The following OR51B5 variants were observed in gnomAD, a reference collection of about 807,000 sequenced individuals.
OR51B5 encodes olfactory receptor 51B5.
For synonymous variants in OR51B5, 186 were observed against 144.8 expected (o/e 1.28, Z -2.04); for missense variants, 456 against 374.6 (o/e 1.22, Z -1.79).
chr11:5,352,522 G>C, intron 1 of OR51B5: 2 of 886,100 alleles, frequency 2.3e-6, no homozygotes, highest in African/African-American at 1.7e-5. Flanking sequence ...TAAGTAACTA[G>C]GGAAAGTCAT....
chr11:5,400,470 T>A (rs1385550599), intron 1 of OR51B5, among the ~76,000 whole-genome samples: 1 of 152,112 alleles, frequency 6.6e-6, no homozygotes, highest in African/African-American at 2.4e-5. Context: ...TTTCCTGCAC[T>A]ACATTGCATG....
chr11:5,358,988 G>T (rs11517977), intron 1 of OR51B5, among the ~76,000 whole-genome samples: 1 of 150,702 alleles, frequency 6.6e-6, no homozygotes, highest in Non-Finnish European at 1.5e-5. Flanking sequence ...TTGATGGGAC[G>T]TATCTCAAAA....
chr11:5,376,411 G>T (rs1849528846), intron 1 of OR51B5, among the ~76,000 whole-genome samples: 2 of 152,130 alleles, frequency 1.3e-5, no homozygotes, highest in South Asian at 4.2e-4. Context: ...AACTAGATAA[G>T]CAAGAGCAAA....
intron 1 of OR51B5, among the ~76,000 whole-genome samples, chr11:5,498,670 A>G (rs537717095): frequency 1.3e-5 from 2 of 152,320 alleles, no homozygotes; most frequent in East Asian, 1.9e-4. Flanking sequence ...TACAGACATT[A>G]CTAATTGTAA....
intron 1 of OR51B5, chr11:5,454,551 G>A (rs1332439176): frequency 9.4e-6 from 7 of 747,264 alleles, no homozygotes; most frequent in Admixed American, 5.4e-5. Context: ...AGGAGATGGT[G>A]ATGCAAAACT....
chr11:5,347,980 A>T (rs1849019068), upstream of OR51B5, among the ~76,000 whole-genome samples: 1 of 152,158 alleles, frequency 6.6e-6, no homozygotes, highest in Non-Finnish European at 1.5e-5. Flanking sequence ...AATGGAAGGG[A>T]ACAAAGTTTC....
chr11:5,478,895 T>A (rs1486275593), intron 1 of OR51B5, among the ~76,000 whole-genome samples: 1 of 150,700 alleles, frequency 6.6e-6, no homozygotes, highest in Non-Finnish European at 1.5e-5. Context: ...TTGGTGGACC[T>A]GAAAGTGATG....
At chr11:5,474,627 A>C (rs375231024) in intron 1 of OR51B5, among the ~76,000 whole-genome samples, 1 of 152,184 alleles carries the variant, frequency 6.6e-6, no homozygotes, top group Admixed American at 6.5e-5. Context: ...GTTTCTCCCC[A>C]GGTAGTGTTT....
intron 1 of OR51B5, chr11:5,454,029 C>T: frequency 6.2e-7 from 1 of 1,614,100 alleles, no homozygotes; most frequent in South Asian, 1.1e-5. Context: ...CTACTGCCTG[C>T]ACCCAGACAT....
intron 1 of OR51B5, among the ~76,000 whole-genome samples, chr11:5,443,828 G>T (rs1483741781): frequency 6.6e-6 from 1 of 151,854 alleles, no homozygotes; most frequent in Non-Finnish European, 1.5e-5. Context: ...GGTCAAGAAG[G>T]TGGAGAGACA....
intron 1 of OR51B5, among the ~76,000 whole-genome samples, chr11:5,419,473 G>C (rs77282008): frequency 6.8e-4 from 104 of 152,296 alleles, no homozygotes; most frequent in Non-Finnish European, 1.2e-3. Flanking sequence ...CACTGAACAT[G>C]CACAGATTAT....
intron 1 of OR51B5, among the ~76,000 whole-genome samples, chr11:5,470,526 C>T (rs1431253549): frequency 3.3e-5 from 5 of 151,036 alleles, no homozygotes; most frequent in South Asian, 2.1e-4. Flanking sequence ...CCAGGCTTCT[C>T]TTCTCAATAT....
At chr11:5,483,195 A>G (rs1195824871) in intron 1 of OR51B5, among the ~76,000 whole-genome samples, 1 of 150,134 alleles carries the variant, frequency 6.7e-6, no homozygotes, top group Non-Finnish European at 1.5e-5. Context: ...TGATGAGTTC[A>G]TGTCCTTTGT....
chr11:5,389,931 T>C (rs1284114217), intron 1 of OR51B5: 1 of 1,611,390 alleles, frequency 6.2e-7, no homozygotes, highest in South Asian at 1.1e-5. Context: ...CTGAAGGCTT[T>C]TCCCTACTGT....
chr11:5,351,595 T>A (rs760483480), intron 1 of OR51B5: 1 of 1,614,162 alleles, frequency 6.2e-7, no homozygotes, highest in Non-Finnish European at 8.5e-7. Flanking sequence ...CATCCCATTA[T>A]TGGCAGCCTA....
chr11:5,371,798 G>A (rs1438606747), intron 1 of OR51B5, among the ~76,000 whole-genome samples: 2 of 151,938 alleles, frequency 1.3e-5, no homozygotes, highest in Non-Finnish European at 2.9e-5. Flanking sequence ...CATAACAAAT[G>A]TTTAGTTTAC....
chr11:5,501,739 T>C (rs1248693627), intron 1 of OR51B5, among the ~76,000 whole-genome samples: 1 of 148,372 alleles, frequency 6.7e-6, no homozygotes, highest in Middle Eastern at 3.2e-3. Context: ...TACCATTGTG[T>C]GATATTTTCT....
chr11:5,391,382 G>GTAA (rs1174507674), intron 1 of OR51B5: 2 of 152,172 alleles, frequency 1.3e-5, no homozygotes, highest in African/African-American at 4.8e-5. Context: ...TTGTCACACA[G>GTAA]TAATGTCCTG....
At chr11:5,407,941 T>G (rs986397437) in intron 1 of OR51B5, among the ~76,000 whole-genome samples, 4 of 152,158 alleles carry the variant, frequency 2.6e-5, no homozygotes, top group Non-Finnish European at 5.9e-5. Context: ...GCTTGAAATT[T>G]CAAAAGATTT....
Sources: allele counts gnomAD v4.1 joint callset (sites outside exome capture counted in the v4.1 genomes callset), GRCh38; gene constraint gnomAD v4.1.1; transcripts MANE v1.5; gene names NCBI Gene and HGNC (gene_info 2026-07-23, HGNC 2026-07-21).